The following ZFHX3 variants were observed in gnomAD, a reference collection of about 807,000 sequenced individuals.
The protein encoded by ZFHX3 is zinc finger homeobox 3.
In ZFHX3, 42 loss-of-function variants were observed where a neutral mutation model predicts 279.1. That is an observed-to-expected ratio of 0.15 (90% CI 0.12 to 0.19). ZFHX3 has a LOEUF of 0.19. Ranked by LOEUF, ZFHX3 falls within the 10% of genes least tolerant of loss-of-function variation. The pLI is 1.00. For missense variants in ZFHX3, 4,981 were observed against 4,754.0 expected (o/e 1.05, Z -1.40); for synonymous variants, 2,293 against 1,957.8 (o/e 1.17, Z -4.52).
intron 7 of ZFHX3, chr16:72,809,350 C>G (rs1037264475): frequency 2.6e-5 from 4 of 152,130 alleles, no homozygotes; most frequent in Admixed American, 1.3e-4. Context: ...CTTTCAGGCT[C>G]CCATGGTTCT....
intron 3 of ZFHX3, among the ~76,000 whole-genome samples, chr16:73,438,588 C>T (rs1032504645): frequency 2.6e-5 from 4 of 152,192 alleles, no homozygotes; most frequent in East Asian, 1.9e-4. Flanking sequence ...AGTTATATTA[C>T]GCATCTATGC....
chr16:73,462,102 C>T lies in ZFHX3; in HGVS notation c.-1546-5844G>A, dbSNP rs141543179. Among the ~76,000 whole-genome samples, 405 of 152,166 alleles carry T rather than the reference C, an allele frequency of 2.7e-3. 2 individuals are homozygous for T. The highest frequency in any genetic ancestry group is 8.6e-3 in the African/African-American group (355 of 41,512). On this transcript the variant is annotated intron_variant, in intron 2 of 17. Transcript: ENST00000641206. ...ACATGTTTTGATAGATTTACACCTG[C>T]GTATTTTTTTTTAGCTATGGTACAT... is the stretch of plus-strand genomic sequence containing the variant.
chr16:73,475,800 G>A (rs980489384), intron 2 of ZFHX3, among the ~76,000 whole-genome samples: 2 of 151,834 alleles, frequency 1.3e-5, no homozygotes, highest in Admixed American at 6.6e-5. Context: ...AAATACTTTA[G>A]CCCAAATATT....
chr16:73,862,894 G>A (rs1310368592), intron 1 of ZFHX3, among the ~76,000 whole-genome samples: 1 of 152,106 alleles, frequency 6.6e-6, no homozygotes, highest in East Asian at 1.9e-4. Context: ...AAGATTCGTG[G>A]TTCATACAAC....
At chr16:73,177,700 C>T (rs1967695509) in intron 5 of ZFHX3, among the ~76,000 whole-genome samples, 1 of 152,158 alleles carries the variant, frequency 6.6e-6, no homozygotes, top group Admixed American at 6.5e-5. Context: ...GAAGAGGCAG[C>T]CAATTCCTAT....
At chr16:72,934,482 A>T (rs963804467) in intron 3 of ZFHX3, among the ~76,000 whole-genome samples, 1 of 152,182 alleles carries the variant, frequency 6.6e-6, no homozygotes, top group African/African-American at 2.4e-5. Flanking sequence ...CCAGTTATTA[A>T]AATTATTTTA....
chr16:73,544,414 C>G (rs577157201), intron 2 of ZFHX3, among the ~76,000 whole-genome samples: 1 of 152,228 alleles, frequency 6.6e-6, no homozygotes, highest in South Asian at 2.1e-4. Context: ...CTGCCGGGTC[C>G]GGAATTCAGG....
At chr16:73,100,405 T>G (rs568387874) in intron 7 of ZFHX3, among the ~76,000 whole-genome samples, 2 of 152,186 alleles carry the variant, frequency 1.3e-5, no homozygotes, top group African/African-American at 4.8e-5. Flanking sequence ...TTTTCTTTGA[T>G]CTGGCCCAGG....
intron 3 of ZFHX3, among the ~76,000 whole-genome samples, chr16:72,940,011 C>T (rs75909464): frequency 0.037 from 5,575 of 151,836 alleles, 245 homozygotes; most frequent in African/African-American, 0.09. Flanking sequence ...TCAGGCTCAG[C>T]TGATCCTCCC....
chr16:73,282,762 T>G (rs372947665), intron 4 of ZFHX3, among the ~76,000 whole-genome samples: 1 of 152,234 alleles, frequency 6.6e-6, no homozygotes, highest in African/African-American at 2.4e-5. Flanking sequence ...TTTCATAATG[T>G]TTGATTTCCT....
intron 5 of ZFHX3, chr16:73,232,249 G>C (rs2012800182): frequency 6.6e-6 from 1 of 152,172 alleles, no homozygotes; most frequent in African/African-American, 2.4e-5. Context: ...GAGCCTCCCT[G>C]CCCCTGCTCC....
intron 4 of ZFHX3, among the ~76,000 whole-genome samples, chr16:72,869,460 T>C (rs2038101233): frequency 6.6e-6 from 1 of 152,248 alleles, no homozygotes; most frequent in Non-Finnish European, 1.5e-5. Context: ...TAAGACCCTG[T>C]TACCCAGGCT....
rs543249646 is a variant in ZFHX3 at position 72,904,781 on chromosome 16, G to A, written c.3217-14819C>T. Among the ~76,000 whole-genome samples the A allele has an allele frequency of 2.6e-5, 4 of 152,130 alleles. No individual in the cohort carries two copies. The East Asian group carries it at 5.8e-4, about 22-fold the overall frequency. On this transcript the variant is annotated intron_variant, in intron 3 of 9. Coordinates refer to ENST00000268489, the MANE Select transcript of ZFHX3 (RefSeq NM_006885.4). ...AACAGTGGCTCCTTGCCTGTGGGGG[G>A]GGTCCCACAGCACCAGGTGGTCCCG...
intron 7 of ZFHX3, among the ~76,000 whole-genome samples, chr16:73,126,376 G>T (rs533883412): frequency 6.6e-6 from 1 of 152,180 alleles, no homozygotes; most frequent in Admixed American, 6.5e-5. Flanking sequence ...TAGATGGAGG[G>T]AAGAGACAAG....
intron 1 of ZFHX3, among the ~76,000 whole-genome samples, chr16:73,682,842 A>G (rs11149999): frequency 1.4e-5 from 2 of 141,526 alleles, no homozygotes; most frequent in African/African-American, 2.8e-5. Context: ...GAGAGAGAGA[A>G]AAAAAGAAAG....
chr16:73,347,515 G>T (rs941622268), intron 3 of ZFHX3, among the ~76,000 whole-genome samples: 2 of 152,234 alleles, frequency 1.3e-5, no homozygotes, highest in African/African-American at 4.8e-5. Flanking sequence ...ACCCTTCTCA[G>T]AGGTAGATAG....
intron 1 of ZFHX3, among the ~76,000 whole-genome samples, chr16:72,960,807 T>C (rs1961542004): frequency 6.6e-6 from 1 of 152,112 alleles, no homozygotes; most frequent in South Asian, 2.1e-4. Context: ...GACCCTGAGG[T>C]TCACAGGGCA....
chr16:73,152,845 G>T (rs1052108724), intron 5 of ZFHX3, among the ~76,000 whole-genome samples: 3 of 151,518 alleles, frequency 2.0e-5, no homozygotes, highest in African/African-American at 2.4e-5. Flanking sequence ...GGGAGTAATC[G>T]CGAGAAGAGA....
intron 1 of ZFHX3, among the ~76,000 whole-genome samples, chr16:73,790,037 A>G (rs1157677280): frequency 6.6e-6 from 1 of 152,196 alleles, no homozygotes; most frequent in Non-Finnish European, 1.5e-5. Context: ...AAGGGTTTAT[A>G]ATTCAGCCAT....
Sources: gnomAD v4.1 joint callset for allele counts (sites outside exome capture counted in the v4.1 genomes callset) on GRCh38, gnomAD v4.1.1 for gene constraint, MANE v1.5 for transcripts, NCBI Gene and HGNC (gene_info 2026-07-23, HGNC 2026-07-21) for gene names.